The following GALNT18 variants were observed in gnomAD, a reference collection of about 807,000 sequenced individuals.
GALNT18 encodes the protein polypeptide N-acetylgalactosaminyltransferase 18.
GALNT18 carries 44 observed loss-of-function variants against 69.5 expected under a neutral mutation model. The ratio of observed to expected loss-of-function variants is 0.63; its 90% CI spans 0.50 to 0.81. The LOEUF (loss-of-function observed/expected upper bound fraction) is 0.81. Ranked by LOEUF, GALNT18 falls within the 40% of genes least tolerant of loss-of-function variation. GALNT18 has a pLI of 0.00. For missense variants in GALNT18, 715 were observed against 810.0 expected, an observed-to-expected ratio of 0.88 and a Z score of 1.42; for synonymous variants, 364 against 318.2, an observed-to-expected ratio of 1.14 and a Z score of -1.53.
At position 11,613,999 on chromosome 11, in the gene GALNT18, G is replaced by A. The variant is rs902088586; in HGVS notation, c.235+7360C>T. 4.6e-5 allele frequency among the ~76,000 whole-genome samples: 7 copies of A among 152,144 alleles called. No individual in the cohort carries two copies. The highest frequency in any genetic ancestry group is 4.6e-4 in the Admixed American group (7 of 15,282). ...CTCCAGCTGTACTGCTTGGCAATGTGCTTCTCCACAGGGCAGCCTGTCTGT... is the reference window on the plus strand; with the variant it reads ...CTCCAGCTGTACTGCTTGGCAATGTACTTCTCCACAGGGCAGCCTGTCTGT... On this transcript the variant is annotated intron_variant, in intron 1 of 10. Transcript: ENST00000227756. The surrounding 1 kb of genome is among the most constrained non-coding windows in gnomAD (Gnocchi z 4.2).
intron 1 of GALNT18, among the ~76,000 whole-genome samples, chr11:11,559,025 C>G (rs2133979437): frequency 6.6e-6 from 1 of 152,332 alleles, no homozygotes; most frequent in South Asian, 2.1e-4. Flanking sequence ...TTCACCATGC[C>G]TCTGCTTCCT....
intron 1 of GALNT18, among the ~76,000 whole-genome samples, chr11:11,490,744 TG>T (rs1856753017): frequency 6.6e-6 from 1 of 152,178 alleles, no homozygotes; most frequent in African/African-American, 2.4e-5. Context: ...TCAGAAGGTC[TG>T]TCCTGGCAGA....
At position 11,436,997 on chromosome 11, in the gene GALNT18, C is replaced by G. The variant is rs891485188; in HGVS notation, c.429-4210G>C. On this transcript the variant is annotated intron_variant, in intron 2 of 10. Coordinates refer to ENST00000227756, the MANE Select transcript of GALNT18 (RefSeq NM_198516.3). This position sits in a 1 kb window ranked among gnomAD's most constrained non-coding sequence, Gnocchi z 4.5. The stretch of plus-strand genomic sequence containing the variant: ...TGCCCTCCCAGAGCACCTGGATTTT[C>G]CAGAATTGGGCCACCCACACACTCT... Among the ~76,000 whole-genome samples, 1 of 151,944 alleles carries G rather than the reference C, an allele frequency of 6.6e-6. No individual in the cohort carries two copies. The highest frequency in any genetic ancestry group is 2.4e-5 in the African/African-American group (1 of 41,220).
At position 11,339,530 on chromosome 11, in the gene GALNT18, T is replaced by A. The variant is rs766806216; in HGVS notation, c.1278+1289A>T. ...TCCAAGTGTTCTTAATATTTTGCCA[T>A]CACAGGACACCTACCACAGGGCTTG... On this transcript the variant is annotated intron_variant, in intron 7 of 10. Coordinates refer to ENST00000227756, the MANE Select transcript of GALNT18 (RefSeq NM_198516.3). The surrounding 1 kb of genome is among the most constrained non-coding windows in gnomAD (Gnocchi z 5.2). 1.3e-5 allele frequency among the ~76,000 whole-genome samples: 2 copies of A among 152,156 alleles called. No individual in the cohort carries two copies. Among genetic ancestry groups the A allele is most frequent in the Non-Finnish European group, 2.9e-5 (2 of 68,028 alleles).
At chr11:11,607,039 A>G (rs894475638) in intron 1 of GALNT18, among the ~76,000 whole-genome samples, 7 of 152,236 alleles carry the variant, frequency 4.6e-5, no homozygotes, top group Non-Finnish European at 1.5e-5. Flanking sequence ...CTTTGTTGAT[A>G]TGTGAGGAAA....
intron 2 of GALNT18, among the ~76,000 whole-genome samples, chr11:11,447,951 G>A (rs542118266): frequency 3.3e-5 from 5 of 152,114 alleles, no homozygotes; most frequent in Non-Finnish European, 7.4e-5. Flanking sequence ...CTCTCCCTTT[G>A]GACATCCTCA....
At chr11:11,475,950 A>G (rs954458484) in intron 1 of GALNT18, 1 of 152,124 alleles carries the variant, frequency 6.6e-6, no homozygotes, top group Admixed American at 6.5e-5. Context: ...GAGCTGGGGG[A>G]GCCACGGTTT....
chr11:11,286,967 A>T (rs2132995115), intron 10 of GALNT18, among the ~76,000 whole-genome samples: 1 of 152,302 alleles, frequency 6.6e-6, no homozygotes, highest in South Asian at 2.1e-4. Flanking sequence ...CACCCAGCCC[A>T]ACTCCACTGA....
intron 1 of GALNT18, among the ~76,000 whole-genome samples, chr11:11,498,027 A>G (rs1284400825): frequency 6.6e-6 from 1 of 152,174 alleles, no homozygotes; most frequent in Non-Finnish European, 1.5e-5. Context: ...AATGAACTAA[A>G]AAACTGGAGA....
At chr11:11,316,110 G>A (rs1244197191) in intron 9 of GALNT18, among the ~76,000 whole-genome samples, 5 of 152,142 alleles carry the variant, frequency 3.3e-5, no homozygotes, top group African/African-American at 7.2e-5. Flanking sequence ...AGGAGTGTAC[G>A]AGGCTCCCCT....
chr11:11,585,609 G>A (rs1004274132), intron 1 of GALNT18, among the ~76,000 whole-genome samples: 6 of 152,092 alleles, frequency 3.9e-5, no homozygotes, highest in Admixed American at 6.5e-5. Flanking sequence ...GCCCACCTTG[G>A]CCTCCCAAAG....
At chr11:11,429,882 G>A (rs1383203450) in intron 3 of GALNT18, among the ~76,000 whole-genome samples, 1 of 152,168 alleles carries the variant, frequency 6.6e-6, no homozygotes, top group African/African-American at 2.4e-5. Context: ...GCTCACACCT[G>A]TAATCCCAAC....
chr11:11,345,625 G>C (rs549077021), intron 6 of GALNT18, among the ~76,000 whole-genome samples: 2 of 152,046 alleles, frequency 1.3e-5, no homozygotes, highest in Non-Finnish European at 2.9e-5. Context: ...CCAAACCAGA[G>C]GGAGGATATA....
intron 2 of GALNT18, among the ~76,000 whole-genome samples, chr11:11,446,591 G>A (rs1266685275): frequency 6.6e-6 from 1 of 152,104 alleles, no homozygotes; most frequent in Non-Finnish European, 1.5e-5. Context: ...ACACTTAGCT[G>A]AGGTCACTTT....
rs894364922 is a variant in GALNT18, at chr11:11,542,273, C to A, written c.235+79086G>T. On this transcript the variant is annotated intron_variant, in intron 1 of 10. Transcript: ENST00000227756. The surrounding 1 kb of genome is among the most constrained non-coding windows in gnomAD (Gnocchi z 4.3). ...ACTCAGAGCTCCCCTCCTTGTAGAT[C>A]TAGCCTTTCCCTCAGCCTTTCTCCC... is the stretch of plus-strand genomic sequence containing the variant. Among the ~76,000 whole-genome samples, 6 of 152,134 alleles carry A rather than the reference C, an allele frequency of 3.9e-5. No individual in the cohort carries two copies. The highest frequency in any genetic ancestry group is 1.2e-4 in the African/African-American group (5 of 41,420).
chr11:11,327,685 G>T (rs1025715522), intron 8 of GALNT18, among the ~76,000 whole-genome samples: 65 of 152,348 alleles, frequency 4.3e-4, no homozygotes, highest in African/African-American at 1.5e-3. Flanking sequence ...TGGGAGGTCG[G>T]ATGGGAGAAT....
At chr11:11,423,042 C>A (rs115972577) in intron 3 of GALNT18, among the ~76,000 whole-genome samples, 3,601 of 152,258 alleles carry the variant, frequency 0.024, 126 homozygotes, top group African/African-American at 0.082. Context: ...CCTGTATATG[C>A]TGCTTATGCA....
At chr11:11,611,783 CACT>C (rs1412531747) in intron 1 of GALNT18, among the ~76,000 whole-genome samples, 1 of 152,174 alleles carries the variant, frequency 6.6e-6, no homozygotes, top group Non-Finnish European at 1.5e-5. Flanking sequence ...GCAGCTGGAA[CACT>C]CCGCTTTTTT....
At chr11:11,450,242 G>A (rs899781433) in intron 1 of GALNT18, among the ~76,000 whole-genome samples, 3 of 152,238 alleles carry the variant, frequency 2.0e-5, no homozygotes, top group African/African-American at 7.2e-5. Flanking sequence ...TTGTTGGCCT[G>A]TATGGAGTCA....
Sources: allele counts gnomAD v4.1 joint callset (sites outside exome capture counted in the v4.1 genomes callset), GRCh38; gene constraint gnomAD v4.1.1; non-coding constraint Gnocchi (gnomAD v3.1); transcripts MANE v1.5; gene names NCBI Gene and HGNC (gene_info 2026-07-23, HGNC 2026-07-21).